KAT6B: variants seen among roughly 807,000 people sequenced by gnomAD.
KAT6B encodes histone acetyltransferase KAT6B.
KAT6B carries 10 observed loss-of-function variants against 187.5 expected under a neutral mutation model. The observed-to-expected ratio is 0.05, with a 90% CI of 0.03 to 0.09. KAT6B has a LOEUF of 0.09. KAT6B is among the 10% of genes least tolerant of loss of function. The probability of loss-of-function intolerance (pLI) is 1.00; values close to 1 mark genes in which losing one functional copy is unlikely to be tolerated. For missense variants in KAT6B, 1,952 were observed against 2,558.9 expected, an observed-to-expected ratio of 0.76 and a Z score of 5.12; for synonymous variants, 861 against 926.8, an observed-to-expected ratio of 0.93 and a Z score of 1.29.
At position 74,953,174 on chromosome 10, in the gene KAT6B, C is replaced by T. The variant is rs1332945739; in HGVS notation, c.622-6796C>T. ...CATTTTCTACTCTGTTCCTGTACTCCCTGATTAATTCATTCTTTAAAAAAA... is the reference window on the plus strand; with the variant it reads ...CATTTTCTACTCTGTTCCTGTACTCTCTGATTAATTCATTCTTTAAAAAAA... On this transcript the variant is annotated intron_variant, in intron 3 of 17. Coordinates refer to ENST00000287239, the MANE Select transcript of KAT6B (RefSeq NM_012330.4). Among the ~76,000 whole-genome samples the T allele has an allele frequency of 4.6e-5, 7 of 151,594 alleles. No individual in the cohort carries two copies. In the East Asian group the frequency reaches 9.7e-4, roughly 21 times the overall value.
chr10:74,966,694 A>G (rs1368803093), intron 4 of KAT6B, among the ~76,000 whole-genome samples: 1 of 152,214 alleles, frequency 6.6e-6, no homozygotes, highest in Admixed American at 6.5e-5. Flanking sequence ...CCAGAAAGAC[A>G]AAGCACCATG....
At chr10:74,833,799 A>C (rs1192471252) in intron 1 of KAT6B, among the ~76,000 whole-genome samples, 3 of 152,248 alleles carry the variant, frequency 2.0e-5, no homozygotes, top group Admixed American at 6.5e-5. Flanking sequence ...CTTGGAAAAC[A>C]TTATTAGCTT....
chr10:74,890,322 G>A (rs959060347), intron 3 of KAT6B, among the ~76,000 whole-genome samples: 3 of 152,094 alleles, frequency 2.0e-5, no homozygotes, highest in African/African-American at 7.2e-5. Flanking sequence ...AGAAGAAAAG[G>A]GAGGTGAGCC....
intron 1 of KAT6B, among the ~76,000 whole-genome samples, chr10:74,828,084 A>T (rs1383596962): frequency 6.6e-6 from 1 of 152,146 alleles, no homozygotes; most frequent in East Asian, 1.9e-4. Flanking sequence ...TGAATTTGCT[A>T]GTACTTTGCT....
intron 3 of KAT6B, among the ~76,000 whole-genome samples, chr10:74,865,266 C>G (rs939033876): frequency 5.3e-5 from 8 of 152,128 alleles, no homozygotes; most frequent in Non-Finnish European, 1.2e-4. Context: ...TGACAGTGGT[C>G]TTTTGATTTG....
At chr10:74,910,420 A>G (rs1331184963) in intron 3 of KAT6B, among the ~76,000 whole-genome samples, 1 of 152,224 alleles carries the variant, frequency 6.6e-6, no homozygotes, top group Non-Finnish European at 1.5e-5. Context: ...AGTTTTCAAC[A>G]GCCTTATCAG....
chr10:74,907,541 T>A (rs1179554083), intron 3 of KAT6B, among the ~76,000 whole-genome samples: 1 of 152,184 alleles, frequency 6.6e-6, no homozygotes, highest in Non-Finnish European at 1.5e-5. Flanking sequence ...TTTCTTTTTT[T>A]CTGAGGCAGA....
At chr10:75,010,749 C>G (rs1844545955) in intron 13 of KAT6B, among the ~76,000 whole-genome samples, 1 of 152,166 alleles carries the variant, frequency 6.6e-6, no homozygotes, top group Non-Finnish European at 1.5e-5. Flanking sequence ...GGGGTTGGAC[C>G]AGACCAGATG....
At chr10:75,004,649 TC>T (rs1239045833) in intron 13 of KAT6B, among the ~76,000 whole-genome samples, 1 of 152,192 alleles carries the variant, frequency 6.6e-6, no homozygotes, top group Non-Finnish European at 1.5e-5. Flanking sequence ...AGGAAATGCT[TC>T]CAACTCTATT....
At chr10:74,955,930 C>T (rs1564586759) in intron 3 of KAT6B, among the ~76,000 whole-genome samples, 1 of 151,970 alleles carries the variant, frequency 6.6e-6, no homozygotes, top group Non-Finnish European at 1.5e-5. Context: ...CCCCCTGCCT[C>T]CCTTCTTTTG....
intron 11 of KAT6B, chr10:74,984,835 G>C (rs1239494883): frequency 2.0e-6 from 1 of 493,000 alleles, no homozygotes; most frequent in Admixed American, 3.4e-5. Flanking sequence ...CCCTTCTTTG[G>C]TAGCTTAAAG....
chr10:74,915,109 A>G (rs1342188196), intron 3 of KAT6B, among the ~76,000 whole-genome samples: 2 of 152,172 alleles, frequency 1.3e-5, no homozygotes, highest in African/African-American at 4.8e-5. Flanking sequence ...CCTTTAAAAA[A>G]AAAATTTATT....
intron 3 of KAT6B, among the ~76,000 whole-genome samples, chr10:74,942,764 G>GAAAA (rs1849773888): frequency 8.2e-5 from 1 of 12,212 alleles, no homozygotes; most frequent in African/African-American, 1.2e-3. Context: ...AAACTCCATC[G>GAAAA]CAAAAAAAAA....
At chr10:74,949,979 T>G (rs1179246052) in intron 3 of KAT6B, among the ~76,000 whole-genome samples, 2 of 152,148 alleles carry the variant, frequency 1.3e-5, no homozygotes, top group Non-Finnish European at 2.9e-5. Flanking sequence ...TAATAAATCC[T>G]TTTGCCCTGA....
intron 13 of KAT6B, among the ~76,000 whole-genome samples, chr10:74,993,156 C>T (rs1843216437): frequency 6.6e-6 from 1 of 152,186 alleles, no homozygotes; most frequent in African/African-American, 2.4e-5. Flanking sequence ...AGGAGCTCTT[C>T]TTCTCCCAGC....
rs1308636311 is a variant in KAT6B, at chr10:75,029,843, C to T, written c.5019C>T (p.Ile1673=). ...GTGGATTTAGTGACCTGGGCAGTATCGAGAGCACAACTGAGAACTACGAAA... is the reference window on the plus strand; with the variant it reads ...GTGGATTTAGTGACCTGGGCAGTATTGAGAGCACAACTGAGAACTACGAAA... ...VDSGFSDLGS[I]ESTTENYENP... is the part of the protein sequence containing the mutation. Residue 1673 remains isoleucine (I), a synonymous_variant, in exon 18 of 18, where the codon ATC becomes ATT. Transcript: ENST00000287239. This position sits in a 1 kb window ranked among gnomAD's most constrained non-coding sequence, Gnocchi z 6.2. The T allele has an allele frequency of 1.3e-5, 21 of 1,614,048 alleles. No individual in the cohort carries two copies. Among genetic ancestry groups the T allele is most frequent in the South Asian group, 2.2e-5 (2 of 91,084 alleles).
intron 3 of KAT6B, among the ~76,000 whole-genome samples, chr10:74,856,667 G>A (rs928543657): frequency 3.9e-5 from 6 of 152,178 alleles, no homozygotes; most frequent in African/African-American, 1.4e-4. Context: ...GGGAGGCTAA[G>A]ATGGGTGGAC....
At position 75,020,705 on chromosome 10, in the gene KAT6B, A is replaced by G. The variant is rs921651022; in HGVS notation, c.2753A>G (p.His918Arg). ...SVILEYLYHH[H>R]ERHISIKAIS... ...ATCTTGGAGTATCTCTACCACCACC[A>G]TGAGAGGCACATCAGCATCAAGGCA... The change falls in exon 14 of 18, where the codon CAT (histidine) becomes CGT (arginine). Residue 918 changes from histidine (H) to arginine (R), a missense_variant. This residue lies in a region of KAT6B where 758 missense variants were observed against 891.4 expected (regional missense o/e 0.85). Transcript: ENST00000287239. 1 of 1,613,768 alleles carries G rather than the reference A, an allele frequency of 6.2e-7. No homozygotes were observed. Among genetic ancestry groups the G allele is most frequent in the Non-Finnish European group, 8.5e-7 (1 of 1,179,880 alleles).
chr10:74,901,994 C>T (rs1051149431), intron 3 of KAT6B, among the ~76,000 whole-genome samples: 2 of 152,106 alleles, frequency 1.3e-5, no homozygotes, highest in Non-Finnish European at 2.9e-5. Context: ...CTCTGGCTCT[C>T]CTTGTCCTCC....
Sources: allele counts gnomAD v4.1 joint callset (sites outside exome capture counted in the v4.1 genomes callset), GRCh38; gene constraint gnomAD v4.1.1; regional missense constraint gnomAD v4.1.1; non-coding constraint Gnocchi (gnomAD v3.1); transcripts MANE v1.5; gene names NCBI Gene and HGNC (gene_info 2026-07-23, HGNC 2026-07-21).